Variants in BRWD1 observed in about 807,000 individuals in gnomAD.
BRWD1 encodes bromodomain and WD repeat-containing protein 1.
BRWD1 carries 82 observed loss-of-function variants against 251.2 expected under a neutral mutation model. That is an observed-to-expected ratio of 0.33 (90% CI 0.27 to 0.39). The LOEUF (loss-of-function observed/expected upper bound fraction) is 0.39, where lower values mean the gene tolerates loss of function less well. BRWD1 is among the 10% of genes least tolerant of loss of function. The pLI is 1.00. For synonymous variants in BRWD1, 918 were observed against 902.8 expected (o/e 1.02, Z -0.30); for missense variants, 2,233 against 2,711.6 (o/e 0.82, Z 3.92).
In BRWD1 at chr21:39,190,480, G is replaced by T. The variant is rs2031495931; in HGVS notation, c.*5779C>A. The T allele has an allele frequency of 1.8e-5, 18 of 985,204 alleles. No homozygotes were observed. The highest frequency in any genetic ancestry group is 2.2e-5 in the Non-Finnish European group (18 of 829,884). The allele number at this position is 985,204 out of a possible 1,614,324, so 61.0% of individuals were successfully genotyped here. On this transcript the variant is annotated 3_prime_UTR_variant, in exon 41 of 41. Transcript: ENST00000342449. ...AATCTTGACATTATTGGTTGCTGTG[G>T]TTGGTGGATAAATCAAATCCACAAA...
At position 39,192,324 on chromosome 21, in the gene BRWD1, T is replaced by A. The variant is rs1279256366; in HGVS notation, c.*3935A>T. On this transcript the variant is annotated 3_prime_UTR_variant, in exon 41 of 41. Coordinates refer to ENST00000342449, the MANE Select transcript of BRWD1 (RefSeq NM_033656.4). ...TTAACATTTGCTAATCTAGTTGGAC[T>A]CAGTTTTTCCCACAATGCTCTATTT... The A allele has an allele frequency of 7.1e-6, 7 of 985,184 alleles. No individual in the cohort carries two copies. Among genetic ancestry groups the A allele is most frequent in the East Asian group, 2.3e-4 (2 of 8,824 alleles). 61.0% of individuals were successfully genotyped at this position (985,184 alleles called of 1,614,324 possible).
chr21:39,311,859 A>T (rs1041542563), intron 4 of BRWD1, among the ~76,000 whole-genome samples: 100 of 152,338 alleles, frequency 6.6e-4, no homozygotes, highest in Non-Finnish European at 4.3e-4. Context: ...CAAAACCAGT[A>T]ATCTTCTACC....
intron 20 of BRWD1, among the ~76,000 whole-genome samples, chr21:39,249,360 T>C (rs369019453): frequency 6.6e-6 from 1 of 152,346 alleles, no homozygotes; most frequent in South Asian, 2.1e-4. Context: ...AAAAGTTTTC[T>C]TTTTAATGTT....
At chr21:39,294,155 T>G in intron 7 of BRWD1, 123 bp from the exon 8 acceptor site, 1 of 735,338 alleles carries the variant, frequency 1.4e-6, no homozygotes. Flanking sequence ...TACTCTCTTA[T>G]TTATGTAATA....
At chr21:39,201,177 A>C (rs1425688324) in intron 38 of BRWD1, among the ~76,000 whole-genome samples, 1 of 152,096 alleles carries the variant, frequency 6.6e-6, no homozygotes, top group African/African-American at 2.4e-5. Flanking sequence ...TACACGAGAG[A>C]AAGAGTGTGA....
chr21:39,292,884 C>A (rs891382097), intron 8 of BRWD1, among the ~76,000 whole-genome samples: 7 of 152,102 alleles, frequency 4.6e-5, no homozygotes, highest in Non-Finnish European at 7.4e-5. Context: ...TATGAGACAA[C>A]TGGAAACTTG....
At position 39,185,763 on chromosome 21, in the gene BRWD1, GTAGTT is replaced by G. The variant is rs1445274560; in HGVS notation, c.*10491_*10495del. 3 of 151,760 alleles carry G rather than the reference GTAGTT, an allele frequency of 2.0e-5. No homozygotes were observed. The highest frequency in any genetic ancestry group is 4.8e-5 in the African/African-American group (2 of 41,368). 9.4% of individuals were successfully genotyped at this position (151,760 alleles called of 1,614,324 possible). A position where few individuals can be genotyped will look rare whatever the true frequency, so the allele number is the denominator to read the frequency against. ...AAGAAATAGAAAACCCTAGGTTTCT[GTAGTT>G]TAGTTTTTCAGATTTACACATGCAA... On this transcript the variant is annotated 3_prime_UTR_variant, in exon 41 of 41. Coordinates refer to ENST00000342449, the MANE Select transcript of BRWD1 (RefSeq NM_033656.4).
intron 8 of BRWD1, among the ~76,000 whole-genome samples, chr21:39,285,356 A>G (rs145209674): frequency 1.3e-4 from 20 of 152,308 alleles, no homozygotes; most frequent in African/African-American, 4.8e-4. Context: ...AAGTTGTTTC[A>G]ATGGGTATTA....
At chr21:39,244,447 T>C (rs2034110126) in intron 21 of BRWD1, among the ~76,000 whole-genome samples, 1 of 152,118 alleles carries the variant, frequency 6.6e-6, no homozygotes, top group South Asian at 2.1e-4. Context: ...TTAAAAGAGA[T>C]TATAAGAGTG....
chr21:39,213,512 G>C lies in BRWD1; in HGVS notation c.3827C>G (p.Ser1276Cys). 6.2e-7 allele frequency: 1 copy of C among 1,611,936 alleles called. No homozygotes were observed. The highest frequency in any genetic ancestry group is 8.5e-7 in the Non-Finnish European group (1 of 1,179,234). The change falls in exon 33 of 41, where the codon TCT (serine) becomes TGT (cysteine). Residue 1276 changes from serine (S) to cysteine (C), a missense_variant. Ser to Cys is a moderately radical substitution (Grantham distance 112, BLOSUM62 -1). Transcript: ENST00000342449. ...CTNISELSNT[S>C]ENDEQNAEDL... The stretch of plus-strand genomic sequence containing the variant: ...CTCAGCATTTTGCTCATCATTTTCA[G>C]ATGTGTTAGAAAGTTCTGAGATATT...
chr21:39,309,475 A>G (rs574688108), intron 4 of BRWD1, among the ~76,000 whole-genome samples: 13 of 152,202 alleles, frequency 8.5e-5, no homozygotes, highest in Admixed American at 3.9e-4. Context: ...GAGAGAATCA[A>G]TCAGTCAATG....
intron 17 of BRWD1, among the ~76,000 whole-genome samples, chr21:39,259,581 G>A (rs1393220496): frequency 6.6e-6 from 1 of 152,124 alleles, no homozygotes; most frequent in East Asian, 1.9e-4. Flanking sequence ...TACAGCCGGG[G>A]CGTGGTGGCT....
At chr21:39,259,759 C>T (rs1277881614) in intron 17 of BRWD1, among the ~76,000 whole-genome samples, 1 of 152,098 alleles carries the variant, frequency 6.6e-6, no homozygotes, top group East Asian at 1.9e-4. Context: ...ATTGCCTGAA[C>T]CCAGGAGGCG....
intron 8 of BRWD1, among the ~76,000 whole-genome samples, chr21:39,290,277 CAGG>C (rs1170977837): frequency 6.6e-6 from 1 of 151,910 alleles, no homozygotes; most frequent in Non-Finnish European, 1.5e-5. Flanking sequence ...ATCACGAGGT[CAGG>C]AGATCGAGAC....
At chr21:39,210,748 C>G (rs1273459992) in intron 35 of BRWD1, 38 bp downstream of exon 35, 8 of 1,559,326 alleles carry the variant, frequency 5.1e-6, no homozygotes, top group Non-Finnish European at 6.9e-6. Context: ...CACTGCAAAA[C>G]AAGAAAAGCC....
intron 17 of BRWD1, among the ~76,000 whole-genome samples, chr21:39,260,013 C>T (rs201653719): frequency 6.6e-6 from 1 of 152,202 alleles, no homozygotes; most frequent in East Asian, 1.9e-4. Flanking sequence ...GTAAGACTCC[C>T]TTGCATATCA....
intron 16 of BRWD1, 72 bp from the exon 17 acceptor site, chr21:39,264,757 TAATTA>T: frequency 1.3e-6 from 2 of 1,484,748 alleles, no homozygotes; most frequent in East Asian, 2.4e-5. Flanking sequence ...ATTAAACAGT[TAATTA>T]AAACTAGAAA....
intron 21 of BRWD1, 89 bp downstream of exon 21, chr21:39,247,612 T>C: frequency 7.6e-7 from 1 of 1,320,784 alleles, no homozygotes; most frequent in Admixed American, 2.6e-5. Context: ...TGTGTTTTCA[T>C]ATAAATTTGG....
chr21:39,225,325 G>A (rs956643814), intron 27 of BRWD1, 128 bp from the exon 28 acceptor site: 10 of 625,424 alleles, frequency 1.6e-5, no homozygotes, highest in South Asian at 6.0e-5. Context: ...GGCAAGCAGC[G>A]CTCCTAAACA....
Sources: gnomAD v4.1 joint callset for allele counts (sites outside exome capture counted in the v4.1 genomes callset) on GRCh38, gnomAD v4.1.1 for gene constraint, MANE v1.5 for transcripts, NCBI Gene and HGNC (gene_info 2026-07-23, HGNC 2026-07-21) for gene names.